Variants in KIRREL3 observed in about 807,000 individuals in gnomAD.
KIRREL3 encodes kin of IRRE-like protein 3.
Under a neutral mutation model 89.7 loss-of-function variants are expected in KIRREL3, and 36 were observed. That is an observed-to-expected ratio of 0.40 (90% CI 0.31 to 0.53). The LOEUF (loss-of-function observed/expected upper bound fraction) is 0.53. Among genes scored for constraint, KIRREL3 ranks in the 20% least tolerant of loss-of-function variants. KIRREL3 has a pLI of 0.49. For missense variants in KIRREL3, 864 were observed against 1,056.6 expected, an observed-to-expected ratio of 0.82 and a Z score of 2.53; for synonymous variants, 445 against 441.4, an observed-to-expected ratio of 1.01 and a Z score of -0.10.
chr11:126,545,576 G>A (rs1011416793), intron 2 of KIRREL3, among the ~76,000 whole-genome samples: 5 of 147,692 alleles, frequency 3.4e-5, no homozygotes, highest in African/African-American at 1.3e-4. Flanking sequence ...TTCGAGACCA[G>A]CCTGACAACA....
rs533780960 is a variant in KIRREL3 at position 126,993,060 on chromosome 11, C to T, written c.55+7395G>A. 1.3e-4 allele frequency among the ~76,000 whole-genome samples: 20 copies of T among 152,120 alleles called. No individual in the cohort carries two copies. The highest frequency in any genetic ancestry group is 2.4e-4 in the Non-Finnish European group (16 of 68,020). On this transcript the variant is annotated intron_variant, in intron 1 of 16. Transcript: ENST00000525144. This position sits in a 1 kb window ranked among gnomAD's most constrained non-coding sequence, Gnocchi z 6.1. ...CACTTCATCCATCAGCTAGAAAGAA[C>T]GATTAAAAAGTATATTTCCATTCAA... is the stretch of plus-strand genomic sequence containing the variant.
At position 126,424,082 on chromosome 11, in the gene KIRREL3, C is replaced by T. The variant is rs1954832464; in HGVS notation, c.*498G>A. 1 of 169,958 alleles carries T rather than the reference C, an allele frequency of 5.9e-6. No homozygotes were observed. The highest frequency in any genetic ancestry group is 1.3e-5 in the Non-Finnish European group (1 of 77,480). The allele number at this position is 169,958 out of a possible 1,614,324, so 10.5% of individuals were successfully genotyped here. A position where few individuals can be genotyped will look rare whatever the true frequency, so the allele number is the denominator to read the frequency against. ...CCTCCAGGGTATGGGCTATGAGCAG[C>T]AGTGGGGAGCCGGGGTTTCTGGGGC... On this transcript the variant is annotated 3_prime_UTR_variant, in exon 17 of 17. Transcript: ENST00000525144.
At position 126,978,714 on chromosome 11, in the gene KIRREL3, G is replaced by A. The variant is rs935986767; in HGVS notation, c.55+21741C>T. On this transcript the variant is annotated intron_variant, in intron 1 of 16. Coordinates refer to ENST00000525144, the MANE Select transcript of KIRREL3 (RefSeq NM_032531.4). The surrounding 1 kb of genome is among the most constrained non-coding windows in gnomAD (Gnocchi z 4.2). ...TAGCTAATGTCCACTCTGCCCTGGA[G>A]CTTTGCTTCATGGTGGGAGTTTCTC... Among the ~76,000 whole-genome samples the A allele has an allele frequency of 2.6e-5, 4 of 152,134 alleles. No homozygotes were observed. Among genetic ancestry groups the A allele is most frequent in the African/African-American group, 9.7e-5 (4 of 41,442 alleles).
Position 126,570,577 on chromosome 11 carries a change from C to T in KIRREL3, c.56-7665G>A, listed in dbSNP as rs76560385. 2.1e-4 allele frequency among the ~76,000 whole-genome samples: 32 copies of T among 152,294 alleles called. No individual in the cohort carries two copies. The East Asian group carries it at 2.3e-3, about 11-fold the overall frequency. ...CCTCACACACCTGCTGATCACGTGC[C>T]GATCAGCACCTTACAGCTTGGTAAG... On this transcript the variant is annotated intron_variant, in intron 1 of 16. Transcript: ENST00000525144. The surrounding 1 kb of genome is among the most constrained non-coding windows in gnomAD (Gnocchi z 6.1).
chr11:126,975,515 C>T (rs1949541142), intron 1 of KIRREL3, among the ~76,000 whole-genome samples: 1 of 152,198 alleles, frequency 6.6e-6, no homozygotes, highest in Admixed American at 6.5e-5. Flanking sequence ...TCCTACCCTC[C>T]AGTAGCTGCT....
At chr11:126,524,999 C>G (rs1019579965) in intron 3 of KIRREL3, among the ~76,000 whole-genome samples, 2 of 152,152 alleles carry the variant, frequency 1.3e-5, no homozygotes, top group Non-Finnish European at 2.9e-5. Flanking sequence ...CCGAGTCAAG[C>G]TGGAGAGGAC....
Position 126,610,049 on chromosome 11 carries a change from C to T in KIRREL3, c.56-47137G>A, listed in dbSNP as rs563096602. ...ATGAGGCCGAAGTCACACATTGTTT[C>T]AGTTACAAAGTTAGGCCTGACCTGA... On this transcript the variant is annotated intron_variant, in intron 1 of 16. Coordinates refer to ENST00000525144, the MANE Select transcript of KIRREL3 (RefSeq NM_032531.4). This position sits in a 1 kb window ranked among gnomAD's most constrained non-coding sequence, Gnocchi z 4.6. 1.3e-5 allele frequency among the ~76,000 whole-genome samples: 2 copies of T among 152,034 alleles called. No homozygotes were observed. The highest frequency in any genetic ancestry group is 4.1e-4 in the South Asian group (2 of 4,830).
rs1365172021 is a variant in KIRREL3, at chr11:126,909,517, C to T, written c.55+90938G>A. On this transcript the variant is annotated intron_variant, in intron 1 of 16. Transcript: ENST00000525144. The surrounding 1 kb of genome is among the most constrained non-coding windows in gnomAD (Gnocchi z 4.5). ...ATGGCTCTGAGGATGAGAGAGTGCT[C>T]TGAGTTGAGATACACCGCCCACAAT... Among the ~76,000 whole-genome samples the T allele has an allele frequency of 2.0e-5, 3 of 152,146 alleles. No individual in the cohort carries two copies. Among genetic ancestry groups the T allele is most frequent in the Non-Finnish European group, 4.4e-5 (3 of 68,032 alleles).
chr11:126,986,300 C>A (rs1949865679), intron 1 of KIRREL3, among the ~76,000 whole-genome samples: 2 of 152,074 alleles, frequency 1.3e-5, no homozygotes. Flanking sequence ...AAGCAGCTAG[C>A]AGATCCCAGT....
rs1958925478 is a variant in KIRREL3 at position 126,530,984 on chromosome 11, C to T, written c.134-4297G>A. On this transcript the variant is annotated intron_variant, in intron 2 of 16. Transcript: ENST00000525144. The surrounding 1 kb of genome is among the most constrained non-coding windows in gnomAD (Gnocchi z 5.8). ...TAGCTGGGATTACAGGCACTCACCA[C>T]CATGTCTGGTAATTTTTGTATTTTT... Among the ~76,000 whole-genome samples the T allele has an allele frequency of 6.6e-6, 1 of 152,130 alleles. No individual in the cohort carries two copies. Among genetic ancestry groups the T allele is most frequent in the African/African-American group, 2.4e-5 (1 of 41,394 alleles).
At position 126,463,407 on chromosome 11, in the gene KIRREL3, G is replaced by T. The variant is rs1256320557; in HGVS notation, c.592-100C>A. 4.0e-6 allele frequency: 5 copies of T among 1,240,270 alleles called. No individual in the cohort carries two copies. The highest frequency in any genetic ancestry group is 5.6e-6 in the Non-Finnish European group (5 of 887,704). 76.8% of individuals were successfully genotyped at this position (1,240,270 alleles called of 1,614,324 possible). A position where few individuals can be genotyped will look rare whatever the true frequency, so the allele number is the denominator to read the frequency against. ...CGAGCACCAGCTTAGACAGAAGGGG[G>T]AGCTGTGGATGGAGGGGTTCAGCTT... is the stretch of plus-strand genomic sequence containing the variant. On this transcript the variant is annotated intron_variant, in intron 5 of 16. Transcript: ENST00000525144. This position sits in a 1 kb window ranked among gnomAD's most constrained non-coding sequence, Gnocchi z 5.9.
chr11:126,787,808 G>A (rs1173089380), intron 1 of KIRREL3, among the ~76,000 whole-genome samples: 2 of 152,244 alleles, frequency 1.3e-5, no homozygotes, highest in African/African-American at 4.8e-5. Flanking sequence ...GAACACTCCT[G>A]ATGAATTGGC....
Position 126,463,014 on chromosome 11 carries a change from C to T in KIRREL3, c.742+143G>A, listed in dbSNP as rs1956596836. The T allele has an allele frequency of 5.6e-6, 4 of 716,698 alleles. No homozygotes were observed. The highest frequency in any genetic ancestry group is 6.9e-6 in the Non-Finnish European group (3 of 434,002). 44.4% of individuals were successfully genotyped at this position (716,698 alleles called of 1,614,324 possible). On this transcript the variant is annotated intron_variant, in intron 6 of 16. Coordinates refer to ENST00000525144, the MANE Select transcript of KIRREL3 (RefSeq NM_032531.4). The surrounding 1 kb of genome is among the most constrained non-coding windows in gnomAD (Gnocchi z 5.9). ...AGTAAGGAAGACAAGATGGTCCTTC[C>T]TGTCCGTATCTACAAGCTGGCCAAT...
chr11:126,826,314 A>C (rs1002799186), intron 1 of KIRREL3, among the ~76,000 whole-genome samples: 1 of 152,196 alleles, frequency 6.6e-6, no homozygotes, highest in African/African-American at 2.4e-5. Flanking sequence ...TTGCAGATTG[A>C]ATGAATGGAG....
chr11:126,932,975 T>C lies in KIRREL3; in HGVS notation c.55+67480A>G, dbSNP rs144230482. Among the ~76,000 whole-genome samples the C allele has an allele frequency of 2.9e-3, 439 of 152,284 alleles. 2 individuals carry two copies. Among genetic ancestry groups the C allele is most frequent in the African/African-American group, 0.01 (420 of 41,546 alleles). The stretch of plus-strand genomic sequence containing the variant: ...GCTGGAGAGAAGGAGACATGGTAGT[T>C]AGAATCTGCAATTACTGCTGCAGTT... On this transcript the variant is annotated intron_variant, in intron 1 of 16. Transcript: ENST00000525144.
At position 126,843,180 on chromosome 11, in the gene KIRREL3, G is replaced by C. The variant is rs1944021796; in HGVS notation, c.55+157275C>G. On this transcript the variant is annotated intron_variant, in intron 1 of 16. Transcript: ENST00000525144. The surrounding 1 kb of genome is among the most constrained non-coding windows in gnomAD (Gnocchi z 4.6). ...GTGATGACACAGAGCAGCTCTCTGG[G>C]AGGAAGATACGGTCTCTGAGCAAGA... is the stretch of plus-strand genomic sequence containing the variant. Among the ~76,000 whole-genome samples, 1 of 152,138 alleles carries C rather than the reference G, an allele frequency of 6.6e-6. No homozygotes were observed.
intron 1 of KIRREL3, among the ~76,000 whole-genome samples, chr11:126,868,227 G>A (rs187917894): frequency 2.0e-5 from 3 of 152,220 alleles, no homozygotes; most frequent in Admixed American, 2.0e-4. Flanking sequence ...TTCCTGTTAC[G>A]AAGGTGGCAA....
At position 126,495,697 on chromosome 11, in the gene KIRREL3, G is replaced by T. The variant is rs1028921172; in HGVS notation, c.434-22231C>A. ...CAGTCAGGACCATGGAGGAGGAGGGGCACTCAGAGATTCACCTGCCCTCTC... is the reference window on the plus strand; with the variant it reads ...CAGTCAGGACCATGGAGGAGGAGGGTCACTCAGAGATTCACCTGCCCTCTC... On this transcript the variant is annotated intron_variant, in intron 4 of 16. Transcript: ENST00000525144. This position sits in a 1 kb window ranked among gnomAD's most constrained non-coding sequence, Gnocchi z 6.5. Among the ~76,000 whole-genome samples, 2 of 152,010 alleles carry T rather than the reference G, an allele frequency of 1.3e-5. No individual in the cohort carries two copies. The highest frequency in any genetic ancestry group is 2.9e-5 in the Non-Finnish European group (2 of 68,004).
At chr11:126,480,371 G>C (rs1344462523) in intron 4 of KIRREL3, among the ~76,000 whole-genome samples, 1 of 152,210 alleles carries the variant, frequency 6.6e-6, no homozygotes, top group East Asian at 1.9e-4. Flanking sequence ...GTTTGTGGCT[G>C]TGTGAAAAGT....
Sources: allele counts gnomAD v4.1 joint callset (sites outside exome capture counted in the v4.1 genomes callset), GRCh38; gene constraint gnomAD v4.1.1; non-coding constraint Gnocchi (gnomAD v3.1); transcripts MANE v1.5; gene names NCBI Gene and HGNC (gene_info 2026-07-23, HGNC 2026-07-21).